The following FBN2 variants were observed in gnomAD, a reference collection of about 807,000 sequenced individuals.
FBN2 encodes the protein fibrillin-2.
FBN2 carries 105 observed loss-of-function variants against 355.6 expected under a neutral mutation model. That is an observed-to-expected ratio of 0.30 (90% CI 0.25 to 0.35). The LOEUF is 0.35. FBN2 is among the 10% of genes least tolerant of loss of function. FBN2 has a pLI of 1.00. For missense variants in FBN2, 3,280 were observed against 3,758.7 expected, an observed-to-expected ratio of 0.87 and a Z score of 3.33; for synonymous variants, 1,350 against 1,301.2, an observed-to-expected ratio of 1.04 and a Z score of -0.81.
chr5:128,411,963 C>T (rs1173926072), intron 7 of FBN2, among the ~76,000 whole-genome samples: 1 of 152,100 alleles, frequency 6.6e-6, no homozygotes, highest in Non-Finnish European at 1.5e-5. Context: ...AAATATAAAG[C>T]ATATATTATC....
chr5:128,333,170 T>C, intron 31 of FBN2, 136 bp from the exon 32 acceptor site: 9 of 762,734 alleles, frequency 1.2e-5, no homozygotes, highest in Non-Finnish European at 1.1e-5. Flanking sequence ...AACTAACTTT[T>C]ATTTTTAATT....
Position 128,350,965 on chromosome 5 carries a change from G to A in FBN2, c.2715C>T (p.Ser905=), listed in dbSNP as rs998086640. Residue 905 remains serine, a synonymous_variant, in exon 21 of 65, where the codon AGC becomes AGT. Transcript: ENST00000262464. ...CTCCATTAATATTCACCTCACAGCG[G>A]CTGTCCTGGATGTTGAGCCAACAGG... ...KGTCWLNIQD[S]RCEVNINGAT... 2 of 1,614,054 alleles carry A rather than the reference G, an allele frequency of 1.2e-6. No homozygotes were observed. The highest frequency in any genetic ancestry group is 1.7e-5 in the Admixed American group (1 of 60,006).
At chr5:128,460,289 C>A (rs1303925480) in intron 6 of FBN2, among the ~76,000 whole-genome samples, 1 of 152,020 alleles carries the variant, frequency 6.6e-6, no homozygotes, top group Non-Finnish European at 1.5e-5. Context: ...CCTAGGAATA[C>A]AACTTACGAG....
At chr5:128,456,495 C>G (rs921377610) in intron 6 of FBN2, among the ~76,000 whole-genome samples, 3 of 152,060 alleles carry the variant, frequency 2.0e-5, no homozygotes, top group African/African-American at 7.2e-5. Context: ...TGGGTGAGAC[C>G]CTCCAAAAGC....
chr5:128,258,941 T>C lies in FBN2; in HGVS notation c.*514A>G. The C allele has an allele frequency of 6.3e-6, 1 of 159,316 alleles. No individual in the cohort carries two copies. The highest frequency in any genetic ancestry group is 6.1e-5 in the Admixed American group (1 of 16,384). 9.9% of individuals were successfully genotyped at this position (159,316 alleles called of 1,614,324 possible). On this transcript the variant is annotated 3_prime_UTR_variant, in exon 65 of 65. Transcript: ENST00000262464. ...GGAAACATCTCTTGTATCTATTGGA[T>C]TTTTAAAAAGCACCTCTAAAAAAAA...
intron 4 of FBN2, among the ~76,000 whole-genome samples, chr5:128,520,255 G>C (rs897031726): frequency 6.6e-6 from 1 of 152,114 alleles, no homozygotes; most frequent in South Asian, 2.1e-4. Context: ...CAGCCTAAAA[G>C]ATCACACTCT....
chr5:128,263,600 G>C lies in FBN2; in HGVS notation c.8017C>G (p.Leu2673Val), dbSNP rs750355339. 6.2e-7 allele frequency: 1 copy of C among 1,614,128 alleles called. No homozygotes were observed. The highest frequency in any genetic ancestry group is 8.5e-7 in the Non-Finnish European group (1 of 1,180,010). Residue 2673 changes from leucine (L) to valine (V), a missense_variant, in exon 63 of 65, where the codon CTG (leucine) becomes GTG (valine). By Grantham distance (32) the Leu-to-Val change is conservative. Coordinates refer to ENST00000262464, the MANE Select transcript of FBN2 (RefSeq NM_001999.4). ...ACGSASCYNT[L>V]GSYKCACPSG... Reference sequence around the variant, plus strand: ...GGGCAGGCGCACTTGTAACTCCCCAGGGTGTTGTAGCAGGAAGCAGAGCCA... The same window carrying C: ...GGGCAGGCGCACTTGTAACTCCCCACGGTGTTGTAGCAGGAAGCAGAGCCA...
chr5:128,480,013 T>C (rs1755130163), intron 5 of FBN2, among the ~76,000 whole-genome samples: 1 of 61,888 alleles, frequency 1.6e-5, no homozygotes, highest in African/African-American at 6.6e-5. Context: ...TATATATATA[T>C]ATATATATAT....
At chr5:128,505,901 A>C (rs879414131) in intron 5 of FBN2, among the ~76,000 whole-genome samples, 1 of 152,178 alleles carries the variant, frequency 6.6e-6, no homozygotes, top group Admixed American at 6.5e-5. Context: ...GGTTGTTTGC[A>C]GTTTGGCACT....
intron 27 of FBN2, among the ~76,000 whole-genome samples, chr5:128,337,459 A>G (rs1750873116): frequency 6.6e-6 from 1 of 152,232 alleles, no homozygotes; most frequent in Non-Finnish European, 1.5e-5. Flanking sequence ...ATGTATTGTG[A>G]AAAGCAATAG....
At chr5:128,312,152 GAAT>G (rs1315354785) in intron 37 of FBN2, among the ~76,000 whole-genome samples, 199 bp from the exon 38 acceptor site, 1 of 152,080 alleles carries the variant, frequency 6.6e-6, no homozygotes, top group African/African-American at 2.4e-5. Flanking sequence ...ATACACAGTA[GAAT>G]AACACGAACC....
chr5:128,506,543 T>C (rs1581356904), intron 5 of FBN2, among the ~76,000 whole-genome samples: 1 of 152,138 alleles, frequency 6.6e-6, no homozygotes, highest in South Asian at 2.1e-4. Context: ...TGAGCTCCAG[T>C]AGATTTTTGT....
chr5:128,377,084 T>C (rs982693814), intron 13 of FBN2, among the ~76,000 whole-genome samples: 1 of 152,200 alleles, frequency 6.6e-6, no homozygotes, highest in Non-Finnish European at 1.5e-5. Context: ...TGTGCTTAGC[T>C]CCTGTTAAAA....
intron 9 of FBN2, among the ~76,000 whole-genome samples, chr5:128,394,870 C>T (rs1752605295): frequency 6.6e-6 from 1 of 151,988 alleles, no homozygotes; most frequent in African/African-American, 2.4e-5. Context: ...GCTGTAGCCT[C>T]GACAGCCCAA....
intron 63 of FBN2, among the ~76,000 whole-genome samples, chr5:128,263,040 T>G (rs1030849433): frequency 1.3e-5 from 2 of 152,194 alleles, no homozygotes; most frequent in African/African-American, 4.8e-5. Flanking sequence ...CTTCCAGAAT[T>G]TGTAGAAGAA....
At chr5:128,451,600 A>G (rs375716997) in intron 6 of FBN2, among the ~76,000 whole-genome samples, 1 of 152,024 alleles carries the variant, frequency 6.6e-6, no homozygotes, top group South Asian at 2.1e-4. Flanking sequence ...GGGTTTCACC[A>G]TGTTGGTCAG....
intron 63 of FBN2, 113 bp from the exon 64 acceptor site, chr5:128,262,020 C>T (rs2126794093): frequency 1.2e-6 from 1 of 827,778 alleles, no homozygotes; most frequent in Non-Finnish European, 2.1e-6. Flanking sequence ...ACACTAAACT[C>T]ATAAACATAA....
chr5:128,429,046 G>C (rs1488580047), intron 7 of FBN2, among the ~76,000 whole-genome samples: 2 of 152,184 alleles, frequency 1.3e-5, no homozygotes, highest in East Asian at 1.9e-4. Flanking sequence ...CAACTCATCT[G>C]TTTTCTGTGA....
rs188167814 is a variant in FBN2 at position 128,508,934 on chromosome 5, T to A, written c.628+10339A>T. Among the ~76,000 whole-genome samples the A allele has an allele frequency of 2.6e-5, 4 of 152,214 alleles. No homozygotes were observed. In the East Asian group the frequency reaches 7.7e-4, roughly 29 times the overall value. On this transcript the variant is annotated intron_variant, in intron 5 of 64. Transcript: ENST00000262464. ...TGTGCTGTTCCACTTTCCTTTTTAC[T>A]TGTACTGTTTTGGACAAATAATTTG...
Sources: gnomAD v4.1 joint callset for allele counts (sites outside exome capture counted in the v4.1 genomes callset) on GRCh38, gnomAD v4.1.1 for gene constraint, MANE v1.5 for transcripts, NCBI Gene and HGNC (gene_info 2026-07-23, HGNC 2026-07-21) for gene names.